UBE2G1: variants seen among roughly 807,000 people sequenced by gnomAD.
UBE2G1 encodes ubiquitin conjugating enzyme E2 G1.
A neutral mutation model predicts 22.7 loss-of-function variants in UBE2G1; 5 were observed. That is an observed-to-expected ratio of 0.22 (90% CI 0.12 to 0.46). The LOEUF (loss-of-function observed/expected upper bound fraction) is 0.46. Among genes scored for constraint, UBE2G1 ranks in the 20% least tolerant of loss-of-function variants. The pLI is 0.99. For synonymous variants in UBE2G1, 74 were observed against 67.5 expected, an observed-to-expected ratio of 1.10 and a Z score of -0.47; for missense variants, 88 against 203.9, an observed-to-expected ratio of 0.43 and a Z score of 3.46.
chr17:4,280,780 C>G (rs1014575083), intron 5 of UBE2G1, among the ~76,000 whole-genome samples: 5 of 151,856 alleles, frequency 3.3e-5, no homozygotes, highest in African/African-American at 1.2e-4. Context: ...ACAACAGGCG[C>G]ACGCCACTGT....
chr17:4,332,546 T>C (rs950063498), intron 1 of UBE2G1, among the ~76,000 whole-genome samples: 1 of 152,194 alleles, frequency 6.6e-6, no homozygotes, highest in East Asian at 1.9e-4. Flanking sequence ...ATGGCCTGTG[T>C]GATGGCCTAT....
intron 1 of UBE2G1, among the ~76,000 whole-genome samples, chr17:4,356,251 G>A (rs1325956141): frequency 6.6e-6 from 1 of 151,508 alleles, no homozygotes; most frequent in Non-Finnish European, 1.5e-5. Context: ...CCAGCTACTC[G>A]GGAGGCTGAG....
intron 1 of UBE2G1, among the ~76,000 whole-genome samples, chr17:4,342,311 T>C (rs1969720936): frequency 6.6e-6 from 1 of 152,238 alleles, no homozygotes. Context: ...ACACATTCTC[T>C]CACACACTCT....
At chr17:4,306,668 T>C (rs112157430) in intron 2 of UBE2G1, among the ~76,000 whole-genome samples, 3,794 of 152,166 alleles carry the variant, frequency 0.025, 152 homozygotes, top group African/African-American at 0.086. Context: ...TTGTTTTGTT[T>C]TGAGATGGAG....
In UBE2G1 at chr17:4,366,595, C is replaced by G. The variant is rs540233411; in HGVS notation, c.-279G>C. The G allele has an allele frequency of 4.6e-4, 159 of 347,084 alleles. 4 individuals carry two copies. In the South Asian group the frequency reaches 0.012, roughly 26 times the overall value. The allele number at this position is 347,084 out of a possible 1,614,324, so 21.5% of individuals were successfully genotyped here. A position where few individuals can be genotyped will look rare whatever the true frequency, so the allele number is the denominator to read the frequency against. ...CGCTCGCCCGCTTCCCTCCTTCAAC[C>G]CGCCCGTCGGCCCCACCGGTGCCTT... On this transcript the variant is annotated 5_prime_UTR_variant, in exon 1 of 6. Transcript: ENST00000396981.
At chr17:4,303,028 T>A (rs1451211270) in intron 2 of UBE2G1, among the ~76,000 whole-genome samples, 1 of 152,132 alleles carries the variant, frequency 6.6e-6, no homozygotes, top group Non-Finnish European at 1.5e-5. Flanking sequence ...CTTCATTAAG[T>A]ATGTGTCTAA....
chr17:4,275,953 G>T (rs1045381259), intron 5 of UBE2G1, among the ~76,000 whole-genome samples: 2 of 152,128 alleles, frequency 1.3e-5, no homozygotes, highest in Non-Finnish European at 2.9e-5. Context: ...TGAGCTCTCT[G>T]TGAGAACTCA....
chr17:4,361,175 A>G (rs1054241916), intron 1 of UBE2G1, among the ~76,000 whole-genome samples: 24 of 152,012 alleles, frequency 1.6e-4, no homozygotes, highest in African/African-American at 5.8e-4. Flanking sequence ...GTGAACCAAG[A>G]TCGCACCACT....
intron 2 of UBE2G1, among the ~76,000 whole-genome samples, chr17:4,298,338 A>G (rs1969134653): frequency 6.6e-6 from 1 of 152,170 alleles, no homozygotes; most frequent in Non-Finnish European, 1.5e-5. Flanking sequence ...AGGAAAGAAC[A>G]AGTGAAAAAT....
At chr17:4,280,850 G>T (rs1968880050) in intron 5 of UBE2G1, among the ~76,000 whole-genome samples, 1 of 152,060 alleles carries the variant, frequency 6.6e-6, no homozygotes, top group African/African-American at 2.4e-5. Context: ...GGCCAGGCTG[G>T]TCTTGAACTC....
At chr17:4,317,383 G>A (rs1969387765) in intron 1 of UBE2G1, among the ~76,000 whole-genome samples, 3 of 152,140 alleles carry the variant, frequency 2.0e-5, no homozygotes, top group Admixed American at 2.0e-4. Context: ...CGGACATGGT[G>A]GCATGTGCCT....
chr17:4,294,267 T>C (rs904743012), intron 3 of UBE2G1, among the ~76,000 whole-genome samples: 1 of 151,748 alleles, frequency 6.6e-6, no homozygotes, highest in Non-Finnish European at 1.5e-5. Context: ...AATACAAAAA[T>C]TAGCCAGGCG....
chr17:4,312,465 G>A (rs960371631), intron 1 of UBE2G1, among the ~76,000 whole-genome samples: 3 of 152,030 alleles, frequency 2.0e-5, no homozygotes, highest in African/African-American at 7.2e-5. Context: ...GGGAGGCCGA[G>A]GCAGGCGGAT....
intron 1 of UBE2G1, among the ~76,000 whole-genome samples, chr17:4,365,676 C>T (rs1364839877): frequency 6.6e-6 from 1 of 152,142 alleles, no homozygotes; most frequent in African/African-American, 2.4e-5. Flanking sequence ...GGCGGCGATC[C>T]GCACTCCGCC....
intron 1 of UBE2G1, among the ~76,000 whole-genome samples, chr17:4,314,922 CAA>C (rs921464625): frequency 6.6e-5 from 10 of 152,250 alleles, no homozygotes; most frequent in Admixed American, 6.5e-5. Context: ...GCAAGGAGCA[CAA>C]AAGAGAGAAA....
chr17:4,324,987 G>C (rs2143766757), intron 1 of UBE2G1, among the ~76,000 whole-genome samples: 1 of 152,134 alleles, frequency 6.6e-6, no homozygotes, highest in Non-Finnish European at 1.5e-5. Flanking sequence ...TGAGGCAGGA[G>C]AACGGCGTGA....
At chr17:4,300,311 G>C (rs1782715078) in intron 2 of UBE2G1, among the ~76,000 whole-genome samples, 1 of 152,116 alleles carries the variant, frequency 6.6e-6, no homozygotes, top group Non-Finnish European at 1.5e-5. Context: ...GGGAGGCTGA[G>C]GCGGGCGGAT....
chr17:4,347,774 C>A (rs945625131), intron 1 of UBE2G1, among the ~76,000 whole-genome samples: 1 of 152,096 alleles, frequency 6.6e-6, no homozygotes, highest in African/African-American at 2.4e-5. Context: ...CCGCGCCTGG[C>A]CAGTTTTTTT....
intron 1 of UBE2G1, among the ~76,000 whole-genome samples, chr17:4,330,824 C>G (rs1252992000): frequency 1.3e-5 from 2 of 151,578 alleles, no homozygotes; most frequent in African/African-American, 4.9e-5. Flanking sequence ...AAACTCCTGA[C>G]CTCAACAGAT....
Sources: gnomAD v4.1 joint callset for allele counts (sites outside exome capture counted in the v4.1 genomes callset) on GRCh38, gnomAD v4.1.1 for gene constraint, MANE v1.5 for transcripts, NCBI Gene and HGNC (gene_info 2026-07-23, HGNC 2026-07-21) for gene names.